The following ALPK3 variants were observed in gnomAD, a reference collection of about 807,000 sequenced individuals.
ALPK3 encodes the protein alpha-protein kinase 3.
Under a neutral mutation model 140.0 loss-of-function variants are expected in ALPK3, and 102 were observed. The ratio of observed to expected loss-of-function variants is 0.73; its 90% CI spans 0.62 to 0.86. The LOEUF (loss-of-function observed/expected upper bound fraction) is 0.86, where lower values mean the gene tolerates loss of function less well. Ranked by LOEUF, ALPK3 falls within the 40% of genes least tolerant of loss-of-function variation. The probability of loss-of-function intolerance (pLI) is 0.00; values close to 1 mark genes in which losing one functional copy is unlikely to be tolerated. For synonymous variants in ALPK3, 938 were observed against 898.5 expected, an observed-to-expected ratio of 1.04 and a Z score of -0.79; for missense variants, 2,254 against 2,208.2, an observed-to-expected ratio of 1.02 and a Z score of -0.42.
chr15:84,867,219 A>G, intron 12 of ALPK3, 98 bp from the exon 13 acceptor site: 1 of 1,245,430 alleles, frequency 8.0e-7, no homozygotes, highest in South Asian at 1.2e-5. Flanking sequence ...GCAGGAAGAG[A>G]CATGGTTCTA....
chr15:84,862,957 ACC>A, intron 10 of ALPK3, 42 bp downstream of exon 10: 1 of 1,581,122 alleles, frequency 6.3e-7, no homozygotes, highest in South Asian at 1.2e-5. Flanking sequence ...TTATTCTCTC[ACC>A]CCCTCCCCTT....
intron 2 of ALPK3, among the ~76,000 whole-genome samples, chr15:84,826,481 C>T (rs367957781): frequency 1.3e-5 from 2 of 152,204 alleles, no homozygotes; most frequent in South Asian, 2.1e-4. Context: ...GGGCCGGGCA[C>T]GGCTTGTGCA....
rs901212258 is a variant in ALPK3 at position 84,873,469 on chromosome 15, C to T, written c.*5013C>T. ...GAGTGAACATATCAATAAAGACAAC[C>T]TGAACCAAAATTATATCTTGGTCAT... is the stretch of plus-strand genomic sequence containing the variant. On this transcript the variant is annotated 3_prime_UTR_variant, in exon 14 of 14. Transcript: ENST00000258888. 7.2e-5 allele frequency: 11 copies of T among 152,050 alleles called. No homozygotes were observed. The highest frequency in any genetic ancestry group is 2.7e-4 in the African/African-American group (11 of 41,356). 9.4% of individuals were successfully genotyped at this position (152,050 alleles called of 1,614,324 possible). A position where few individuals can be genotyped will look rare whatever the true frequency, so the allele number is the denominator to read the frequency against.
intron 3 of ALPK3, among the ~76,000 whole-genome samples, chr15:84,833,530 C>G (rs10775243): frequency 0.8 from 122,102 of 152,152 alleles, 49,071 homozygotes; most frequent in East Asian, 0.94. Context: ...ACTGGCCTCT[C>G]TGTGAGGCTG....
chr15:84,863,577 G>T lies in ALPK3; in HGVS notation c.4436G>T (p.Arg1479Leu). 1 of 1,614,014 alleles carries T rather than the reference G, an allele frequency of 6.2e-7. No individual in the cohort carries two copies. The highest frequency in any genetic ancestry group is 8.5e-7 in the Non-Finnish European group (1 of 1,179,966). Reference sequence around the variant, plus strand: ...GGGTGCAAGATCCAGAACATGAGTCGGGAGTACTGCAAAATCTTCGCAGCA... The same window carrying T: ...GGGTGCAAGATCCAGAACATGAGTCTGGAGTACTGCAAAATCTTCGCAGCA... Reference protein sequence around the residue: ...IQGCKIQNMSREYCKIFAAEA... With the variant: ...IQGCKIQNMSLEYCKIFAAEA... Residue 1479 changes from arginine to leucine, a missense_variant, in exon 11 of 14, where the codon CGG (arginine) becomes CTG (leucine). Transcript: ENST00000258888.
intron 1 of ALPK3, among the ~76,000 whole-genome samples, chr15:84,818,544 T>G (rs560165971): frequency 1.3e-5 from 2 of 152,310 alleles, no homozygotes; most frequent in South Asian, 4.1e-4. Context: ...GACTTGTGTA[T>G]TATGCAGAAA....
In ALPK3 at chr15:84,856,376, G is replaced by T; in HGVS notation, c.1654-16G>T. 1 of 1,571,998 alleles carries T rather than the reference G, an allele frequency of 6.4e-7. No homozygotes were observed. The highest frequency in any genetic ancestry group is 1.8e-4 in the Middle Eastern group (1 of 5,468). ...TCCATGTAGTTAAATCCTTGCTTTT[G>T]TCCCTCTGTTTTCAGGTCCTGGAAT... On this transcript the variant is annotated splice_polypyrimidine_tract_variant and intron_variant, in intron 5 of 13. Transcript: ENST00000258888.
chr15:84,867,329 AGATGACT>A lies in ALPK3; in HGVS notation c.4741_4747del (p.Thr1581CysfsTer40), dbSNP rs1417099440. ...TCTCTCTTTTCAGGGGTTGACTGGA[AGATGACT>A]GATGTGCAGATTGCTACCAAACTCC... On this transcript the variant is annotated frameshift_variant, in exon 13 of 14. Coordinates refer to ENST00000258888, the MANE Select transcript of ALPK3 (RefSeq NM_020778.5). LOFTEE classifies it high-confidence loss of function. 1 of 1,613,988 alleles carries A rather than the reference AGATGACT, an allele frequency of 6.2e-7. No homozygotes were observed. The highest frequency in any genetic ancestry group is 1.7e-5 in the Admixed American group (1 of 60,024).
At position 84,839,903 on chromosome 15, in the gene ALPK3, G is replaced by A. The variant is rs145003820; in HGVS notation, c.624G>A (p.Gly208=). 19 of 1,613,946 alleles carry A rather than the reference G, an allele frequency of 1.2e-5. No homozygotes were observed. Among genetic ancestry groups the A allele is most frequent in the Middle Eastern group, 1.7e-4 (1 of 6,058 alleles). ...GGAAGCACGAGAAGGCGGTGCCTGG[G>A]GAGGTCGACACTCTGCGCAAGCTCA... ...QSWKHEKAVP[G]EVDTLRKLSP... Residue 208 remains glycine (G), a synonymous_variant, in exon 5 of 14, where the codon GGG becomes GGA. Coordinates refer to ENST00000258888, the MANE Select transcript of ALPK3 (RefSeq NM_020778.5).
intron 3 of ALPK3, 40 bp downstream of exon 3, chr15:84,827,645 C>G: frequency 6.2e-7 from 1 of 1,611,566 alleles, no homozygotes; most frequent in South Asian, 1.1e-5. Flanking sequence ...AGGGCCTCTG[C>G]ACAGAGCAGG....
chr15:84,840,452 T>C lies in ALPK3; in HGVS notation c.1173T>C (p.Ser391=). ...SGTDSTRKPA[S]AVGTPDKAQK... ...CAGATAGTACCAGGAAGCCAGCCTC[T>C]GCTGTGGGCACTCCAGACAAGGCCC... The change falls in exon 5 of 14, where the codon TCT becomes TCC. Residue 391 remains serine, a synonymous_variant. Transcript: ENST00000258888. 6.2e-7 allele frequency: 1 copy of C among 1,613,772 alleles called. No homozygotes were observed. The highest frequency in any genetic ancestry group is 2.2e-5 in the East Asian group (1 of 44,862).
Position 84,839,074 on chromosome 15 carries a change from C to T in ALPK3, c.399C>T (p.Asn133=). The change falls in exon 4 of 14, where the codon AAC becomes AAT. Residue 133 remains asparagine (N), a synonymous_variant. Transcript: ENST00000258888. ...LPKYEITHQG[N]RHTLQLYRCR... ...AATATGAGATCACTCATCAGGGCAA[C>T]CGCCACACACTGCAGCTGTACAGGT... 6.2e-7 allele frequency: 1 copy of T among 1,609,884 alleles called. No individual in the cohort carries two copies. Among genetic ancestry groups the T allele is most frequent in the Non-Finnish European group, 8.5e-7 (1 of 1,177,968 alleles).
In ALPK3 at chr15:84,863,606, G is replaced by T. The variant is rs1444669624; in HGVS notation, c.4465G>T (p.Ala1489Ser). The change falls in exon 11 of 14, where the codon GCC (alanine) becomes TCC (serine). Residue 1489 changes from alanine (A) to serine (S), a missense_variant. By Grantham distance (99) the Ala-to-Ser change is moderately conservative. Transcript: ENST00000258888. Reference protein sequence around the residue: ...REYCKIFAAEARAAPGFGEVP... With the variant: ...REYCKIFAAESRAAPGFGEVP... Reference sequence around the variant, plus strand: ...GTACTGCAAAATCTTCGCAGCAGAAGCCCGGGCCGCGCCTGGCTTTGGGGA... The same window carrying T: ...GTACTGCAAAATCTTCGCAGCAGAATCCCGGGCCGCGCCTGGCTTTGGGGA... The T allele has an allele frequency of 1.2e-6, 2 of 1,613,976 alleles. No homozygotes were observed. Among genetic ancestry groups the T allele is most frequent in the Admixed American group, 3.3e-5 (2 of 60,002 alleles).
intron 12 of ALPK3, among the ~76,000 whole-genome samples, chr15:84,865,253 G>A (rs1357535502): frequency 6.6e-6 from 1 of 152,182 alleles, no homozygotes; most frequent in African/African-American, 2.4e-5. Flanking sequence ...CAGGCCTACT[G>A]TCATTAAGCA....
rs143847137 is a variant in ALPK3, at chr15:84,865,102, CT to C, written c.4723+440del. On this transcript the variant is annotated intron_variant, in intron 12 of 13. Coordinates refer to ENST00000258888, the MANE Select transcript of ALPK3 (RefSeq NM_020778.5). Reference sequence around the variant, plus strand: ...TTTACTGTCTCTCCTCCTCCTCCATCTTTGTTAGCTTTTCGTTATGTAAAGC... The same window carrying C: ...TTTACTGTCTCTCCTCCTCCTCCATCTTGTTAGCTTTTCGTTATGTAAAGC... Among the ~76,000 whole-genome samples, 612 of 152,262 alleles carry C rather than the reference CT, an allele frequency of 4.0e-3. 2 individuals carry two copies. Among genetic ancestry groups the C allele is most frequent in the African/African-American group, 0.014 (586 of 41,556 alleles).
chr15:84,847,205 CGGGGAGAGAG>C lies in ALPK3; in HGVS notation c.1653+6274_1653+6283del, dbSNP rs1299082795. The stretch of plus-strand genomic sequence containing the variant: ...AGAGAGAGAGGAAGGGAGGGAGAAA[CGGGGAGAGAG>C]AGAGAGAGAGAGAGAGAGAGAGAGA... On this transcript the variant is annotated intron_variant, in intron 5 of 13. Coordinates refer to ENST00000258888, the MANE Select transcript of ALPK3 (RefSeq NM_020778.5). Among the ~76,000 whole-genome samples the C allele has an allele frequency of 1.1e-3, 119 of 106,944 alleles. 1 individual carries two copies. Among genetic ancestry groups the C allele is most frequent in the African/African-American group, 2.9e-3 (74 of 25,602 alleles). 70.2% of individuals were successfully genotyped at this position (106,944 alleles called of 152,430 possible). A position where few individuals can be genotyped will look rare whatever the true frequency, so the allele number is the denominator to read the frequency against.
chr15:84,840,894 A>G lies in ALPK3; in HGVS notation c.1615A>G (p.Thr539Ala). ...GCGGAGACATGGCACCCGGGACAGCACGTTGCAGGGGCAAGCAGGCCACAG... is the reference window on the plus strand; with the variant it reads ...GCGGAGACATGGCACCCGGGACAGCGCGTTGCAGGGGCAAGCAGGCCACAG... ...ARRRHGTRDS[T>A]LQGQAGHRTP... Residue 539 changes from threonine (T) to alanine (A), a missense_variant, in exon 5 of 14, where the codon ACG (threonine) becomes GCG (alanine). Physicochemically the swap from Thr to Ala is moderately conservative, Grantham distance 58. This residue lies in a region of ALPK3 where 2,088 missense variants were observed against 2,022.9 expected (regional missense o/e 1.03). Transcript: ENST00000258888. 6.2e-7 allele frequency: 1 copy of G among 1,611,598 alleles called. No homozygotes were observed.
chr15:84,840,023 G>A lies in ALPK3; in HGVS notation c.744G>A (p.Ala248=), dbSNP rs1963641415. The change falls in exon 5 of 14, where the codon GCG becomes GCA. Residue 248 remains alanine, a synonymous_variant. Transcript: ENST00000258888. ...PTREPEGGTL[A]AWQEGETETA... is the part of the protein sequence containing the mutation. The stretch of plus-strand genomic sequence containing the variant: ...GGGAGCCTGAGGGTGGGACCCTGGC[G>A]GCTTGGCAGGAGGGAGAGACTGAGA... 1 of 1,613,880 alleles carries A rather than the reference G, an allele frequency of 6.2e-7. No individual in the cohort carries two copies. The highest frequency in any genetic ancestry group is 8.5e-7 in the Non-Finnish European group (1 of 1,179,884).
At position 84,856,737 on chromosome 15, in the gene ALPK3, G is replaced by A. The variant is rs1963866355; in HGVS notation, c.1999G>A (p.Ala667Thr). 1 of 1,614,092 alleles carries A rather than the reference G, an allele frequency of 6.2e-7. No individual in the cohort carries two copies. The highest frequency in any genetic ancestry group is 8.5e-7 in the Non-Finnish European group (1 of 1,180,032). ...AQKGMMTQGR[A>T]ETQLETTQAG... The stretch of plus-strand genomic sequence containing the variant: ...GAAGGGCATGATGACACAGGGAAGG[G>A]CAGAGACACAGCTAGAAACAACACA... Residue 667 changes from alanine to threonine, a missense_variant, in exon 6 of 14, where the codon GCA becomes ACA. Transcript: ENST00000258888.
Sources: gnomAD v4.1 joint callset for allele counts (sites outside exome capture counted in the v4.1 genomes callset) on GRCh38, gnomAD v4.1.1 for gene constraint, gnomAD v4.1.1 regional missense constraint, MANE v1.5 for transcripts, NCBI Gene and HGNC (gene_info 2026-07-23, HGNC 2026-07-21) for gene names.